Variants in RHBDL2 observed in about 807,000 individuals in gnomAD.
The protein encoded by RHBDL2 is rhomboid like 2, also known as rhomboid-related protein 2.
In RHBDL2, 26 loss-of-function variants were observed where a neutral mutation model predicts 31.7. The observed-to-expected ratio is 0.82, with a 90% CI of 0.60 to 1.14. The LOEUF is 1.14. RHBDL2 is among the 50% of genes most tolerant of loss of function. RHBDL2 has a pLI of 0.00. For missense variants in RHBDL2, 336 were observed against 364.4 expected, an observed-to-expected ratio of 0.92 and a Z score of 0.63; for synonymous variants, 123 against 127.2, an observed-to-expected ratio of 0.97 and a Z score of 0.22.
At chr1:38,926,004 T>C (rs1420705423) in intron 1 of RHBDL2, 1 of 1,272,924 alleles carries the variant, frequency 7.9e-7, no homozygotes, top group Non-Finnish European at 1.0e-6. Flanking sequence ...CAGTGGATTC[T>C]TTGACAACAT....
chr1:38,904,924 G>C (rs1204862759), intron 4 of RHBDL2, among the ~76,000 whole-genome samples: 1 of 149,564 alleles, frequency 6.7e-6, no homozygotes, highest in East Asian at 2.0e-4. Flanking sequence ...CCAGCTACTC[G>C]GGAGGCTGAG....
Position 38,906,052 on chromosome 1 carries a change from G to A in RHBDL2, c.508+5270C>T, listed in dbSNP as rs11211599. 1.9e-3 allele frequency among the ~76,000 whole-genome samples: 274 copies of A among 145,194 alleles called. 2 individuals carry two copies. The highest frequency in any genetic ancestry group is 6.5e-3 in the African/African-American group (251 of 38,398). On this transcript the variant is annotated intron_variant, in intron 4 of 7. Coordinates refer to ENST00000372990, the MANE Select transcript of RHBDL2 (RefSeq NM_017821.5). ...ATTGCACTCCAGCTTGGGCAACAGT[G>A]CAAGACTCCAACTCAAAAAAAAAAA...
intron 4 of RHBDL2, among the ~76,000 whole-genome samples, chr1:38,897,414 T>A (rs1642932936): frequency 6.6e-6 from 1 of 152,154 alleles, no homozygotes; most frequent in Non-Finnish European, 1.5e-5. Context: ...CTTTGAAGAA[T>A]CTTTAAGATT....
intron 1 of RHBDL2, among the ~76,000 whole-genome samples, chr1:38,932,047 T>G (rs1372558554): frequency 1.3e-5 from 2 of 152,104 alleles, no homozygotes; most frequent in African/African-American, 4.8e-5. Context: ...AGCTATGTGG[T>G]CCCCACTTTT....
intron 1 of RHBDL2, among the ~76,000 whole-genome samples, chr1:38,921,512 C>T (rs970836466): frequency 1.2e-4 from 18 of 152,086 alleles, no homozygotes; most frequent in African/African-American, 3.4e-4. Flanking sequence ...CTGAGCCTGG[C>T]GCCTGTTTTC....
intron 7 of RHBDL2, 107 bp from the exon 8 acceptor site, chr1:38,886,790 A>G (rs1184641366): frequency 2.2e-6 from 2 of 919,756 alleles, no homozygotes; most frequent in Non-Finnish European, 3.1e-6. Context: ...GTTAAACAAG[A>G]GTCTTAAAGG....
chr1:38,929,718 G>C (rs1643419942), intron 1 of RHBDL2: 1 of 311,676 alleles, frequency 3.2e-6, no homozygotes, highest in Admixed American at 6.5e-5. Flanking sequence ...GTTGCTAGGC[G>C]CCTGGGTAAT....
At chr1:38,911,580 T>C (rs927261685) in intron 3 of RHBDL2, 146 bp from the exon 4 acceptor site, 1 of 623,102 alleles carries the variant, frequency 1.6e-6, no homozygotes, top group Non-Finnish European at 2.8e-6. Context: ...CGCAGACAAC[T>C]CTTTTTTTCT....
intron 1 of RHBDL2, among the ~76,000 whole-genome samples, chr1:38,931,378 G>A (rs551858881): frequency 2.8e-4 from 42 of 152,180 alleles, no homozygotes; most frequent in African/African-American, 1.0e-3. Flanking sequence ...AAAATTAGCT[G>A]GGCGTGTTGG....
chr1:38,936,976 C>T lies in RHBDL2; in HGVS notation c.-126+4706G>A, dbSNP rs189775401. ...CTTTTTTTTTTTTTTGAGACAGAGT[C>T]TCACCCTGTCACCCAGGCTGGAGTG... On this transcript the variant is annotated intron_variant, in intron 1 of 7. Coordinates refer to ENST00000372990, the MANE Select transcript of RHBDL2 (RefSeq NM_017821.5). 6.6e-4 allele frequency among the ~76,000 whole-genome samples: 94 copies of T among 142,018 alleles called. No individual in the cohort carries two copies. In the East Asian group the frequency reaches 0.016, roughly 25 times the overall value. The allele number at this position is 142,018 out of a possible 152,430, so 93.2% of individuals were successfully genotyped here.
chr1:38,910,753 C>CTTTTTTTTTTTTTTTT (rs765064879), intron 4 of RHBDL2, among the ~76,000 whole-genome samples: 18 of 111,030 alleles, frequency 1.6e-4, no homozygotes, highest in East Asian at 5.0e-4. Flanking sequence ...TATTCCTTTT[C>CTTTTTTTTTTTTTTTT]TTTTTTTTTT....
At chr1:38,929,148 CCCATCCTTT>C (rs1286264652) in intron 1 of RHBDL2, among the ~76,000 whole-genome samples, 1 of 152,090 alleles carries the variant, frequency 6.6e-6, no homozygotes, top group Non-Finnish European at 1.5e-5. Context: ...TTATTTTCAT[CCCATCCTTT>C]CCTGTACTCT....
chr1:38,911,395 A>G lies in RHBDL2; in HGVS notation c.435T>C (p.Val145=), dbSNP rs1259875873. 6.2e-7 allele frequency: 1 copy of G among 1,614,058 alleles called. No homozygotes were observed. Among genetic ancestry groups the G allele is most frequent in the South Asian group, 1.1e-5 (1 of 91,084 alleles). Residue 145 remains valine, a synonymous_variant, in exon 4 of 8, where the codon GTT becomes GTC. Coordinates refer to ENST00000372990, the MANE Select transcript of RHBDL2 (RefSeq NM_017821.5). ...GGACCATTTCCAAGGGAATACCCAA[A>G]ACAAGCTGCATACAAAGATTCCCCA... ...HILGNLCMQL[V]LGIPLEMVHK...
intron 3 of RHBDL2, chr1:38,913,710 G>T: frequency 6.6e-6 from 1 of 152,224 alleles, no homozygotes. Flanking sequence ...GGCCCCACCT[G>T]AGACCACAAG....
chr1:38,915,821 A>T (rs772598518), intron 2 of RHBDL2, 111 bp from the exon 3 acceptor site: 5 of 943,592 alleles, frequency 5.3e-6, no homozygotes, highest in Non-Finnish European at 8.2e-6. Context: ...AGTGGGCCAC[A>T]CCATAGTGCC....
intron 1 of RHBDL2, among the ~76,000 whole-genome samples, chr1:38,934,632 G>T (rs1367612671): frequency 7.3e-6 from 1 of 136,706 alleles, no homozygotes; most frequent in African/African-American, 2.8e-5. Flanking sequence ...CTGCATTCCA[G>T]CCTGAGTGAC....
chr1:38,919,241 G>A lies in RHBDL2; in HGVS notation c.-29C>T, dbSNP rs202161817. On this transcript the variant is annotated 5_prime_UTR_variant, in exon 2 of 8. Transcript: ENST00000372990. ...CCTGGGTCCTCCCTCCTCCCCAGAA[G>A]GACATGAATCCCAGGGAACAGCAGG... is the stretch of plus-strand genomic sequence containing the variant. The A allele has an allele frequency of 1.7e-5, 27 of 1,613,988 alleles. No homozygotes were observed. The highest frequency in any genetic ancestry group is 2.1e-5 in the Non-Finnish European group (25 of 1,180,020).
chr1:38,893,140 G>A (rs772940599), intron 6 of RHBDL2, 24 bp downstream of exon 6: 5 of 1,340,000 alleles, frequency 3.7e-6, no homozygotes, highest in Non-Finnish European at 5.4e-6. Context: ...TGGACAGTAT[G>A]AAGTATTCAC....
At chr1:38,922,078 C>A (rs948466695) in intron 1 of RHBDL2, among the ~76,000 whole-genome samples, 5 of 152,244 alleles carry the variant, frequency 3.3e-5, no homozygotes, top group African/African-American at 1.2e-4. Flanking sequence ...ACTTCAAGAC[C>A]ACCATTTTAA....
Sources: allele counts gnomAD v4.1 joint callset (sites outside exome capture counted in the v4.1 genomes callset), GRCh38; gene constraint gnomAD v4.1.1; transcripts MANE v1.5; gene names NCBI Gene and HGNC (gene_info 2026-07-23, HGNC 2026-07-21).